Variants in SGCZ observed in about 807,000 individuals in gnomAD.
SGCZ encodes the protein zeta-sarcoglycan.
Under a neutral mutation model 41.3 loss-of-function variants are expected in SGCZ, and 40 were observed. That is an observed-to-expected ratio of 0.97 (90% CI 0.75 to 1.26). The LOEUF (loss-of-function observed/expected upper bound fraction) is 1.26, where lower values mean the gene tolerates loss of function less well. Ranked by LOEUF, SGCZ falls within the 50% of genes most tolerant of loss-of-function variation. The pLI is 0.00. For synonymous variants in SGCZ, 206 were observed against 137.5 expected (o/e 1.50, Z -3.49); for missense variants, 552 against 369.8 (o/e 1.49, Z -4.04).
intron 2 of SGCZ, among the ~76,000 whole-genome samples, chr8:14,378,007 T>C (rs958685713): frequency 6.0e-5 from 9 of 149,642 alleles, no homozygotes; most frequent in Non-Finnish European, 1.3e-4. Flanking sequence ...CATGTGTCTT[T>C]ATAGCAGCAT....
chr8:14,994,196 T>G (rs543594510), intron 1 of SGCZ, among the ~76,000 whole-genome samples: 1 of 152,224 alleles, frequency 6.6e-6, no homozygotes, highest in African/African-American at 2.4e-5. Flanking sequence ...TCCCCACATT[T>G]GGTCTCATCA....
chr8:14,304,395 A>C (rs1339835679), intron 3 of SGCZ, among the ~76,000 whole-genome samples: 2 of 152,088 alleles, frequency 1.3e-5, no homozygotes, highest in Non-Finnish European at 2.9e-5. Context: ...TGAGTTTGAG[A>C]CCAGCATGGG....
At chr8:14,756,321 G>A (rs564246658) in intron 1 of SGCZ, among the ~76,000 whole-genome samples, 78 of 152,084 alleles carry the variant, frequency 5.1e-4, no homozygotes, top group African/African-American at 1.6e-3. Flanking sequence ...GAGTAGCTGG[G>A]ATTATAGGCA....
chr8:14,963,521 T>G (rs572792969), intron 1 of SGCZ, among the ~76,000 whole-genome samples: 79 of 152,126 alleles, frequency 5.2e-4, no homozygotes, highest in African/African-American at 1.9e-3. Flanking sequence ...CTTTCTTTTG[T>G]ATTTTTAGTA....
chr8:14,964,776 C>G (rs1585418630), intron 1 of SGCZ, among the ~76,000 whole-genome samples: 2 of 152,142 alleles, frequency 1.3e-5, no homozygotes. Flanking sequence ...TAGGAGCTGT[C>G]AGTTTCCCAT....
intron 1 of SGCZ, among the ~76,000 whole-genome samples, chr8:15,077,110 A>C (rs1316265968): frequency 1.3e-5 from 2 of 152,212 alleles, no homozygotes; most frequent in African/African-American, 4.8e-5. Flanking sequence ...TGCTGTAATG[A>C]AGTGGATTCT....
intron 1 of SGCZ, among the ~76,000 whole-genome samples, chr8:14,702,788 G>C (rs548636118): frequency 3.3e-5 from 5 of 150,268 alleles, no homozygotes; most frequent in African/African-American, 1.2e-4. Flanking sequence ...TAGACAGACA[G>C]ACAGGCAGAC....
chr8:15,186,322 T>TAGTCCAA (rs1554473589), intron 1 of SGCZ, among the ~76,000 whole-genome samples: 7 of 141,530 alleles, frequency 4.9e-5, no homozygotes, highest in African/African-American at 1.9e-4. Context: ...TCGCATGTAG[T>TAGTCCAA]AGTCCAAAGA....
At chr8:14,455,457 C>CACACGCAT (rs1554520470) in intron 2 of SGCZ, among the ~76,000 whole-genome samples, 1 of 22,518 alleles carries the variant, frequency 4.4e-5, no homozygotes, top group Non-Finnish European at 8.3e-5. Context: ...TGCATGCATA[C>CACACGCAT]ACACACACAC....
intron 2 of SGCZ, among the ~76,000 whole-genome samples, chr8:14,389,727 A>G (rs959443894): frequency 6.6e-6 from 1 of 152,004 alleles, no homozygotes. Flanking sequence ...GAGAATGAAG[A>G]AACTCGCAAA....
chr8:14,173,634 G>A (rs1804456483), intron 4 of SGCZ, among the ~76,000 whole-genome samples: 1 of 152,022 alleles, frequency 6.6e-6, no homozygotes. Context: ...TGTGAAACAA[G>A]TAAAAGAGGC....
At chr8:14,315,666 C>G (rs945619594) in intron 3 of SGCZ, among the ~76,000 whole-genome samples, 8 of 151,910 alleles carry the variant, frequency 5.3e-5, no homozygotes, top group African/African-American at 1.9e-4. Flanking sequence ...ATAATAACTT[C>G]AAGGCCTAAG....
intron 5 of SGCZ, among the ~76,000 whole-genome samples, chr8:14,133,692 G>T (rs1039975805): frequency 6.6e-6 from 1 of 152,026 alleles, no homozygotes; most frequent in African/African-American, 2.4e-5. Flanking sequence ...TTACTTGGTT[G>T]CTGTAAACCT....
At chr8:14,628,606 G>C (rs1264643372) in intron 1 of SGCZ, among the ~76,000 whole-genome samples, 1 of 152,080 alleles carries the variant, frequency 6.6e-6, no homozygotes, top group Middle Eastern at 3.2e-3. Flanking sequence ...CAAGAGAGGA[G>C]CTCTTGTCAA....
chr8:15,069,954 A>G lies in SGCZ; in HGVS notation c.39+167631T>C, dbSNP rs537303025. On this transcript the variant is annotated intron_variant, in intron 1 of 7. Transcript: ENST00000382080. ...GACACACACACAAAGACACACACAC[A>G]CACACAAACCTGCAAGAAAAAAAGA... Among the ~76,000 whole-genome samples, 3 of 151,038 alleles carry G rather than the reference A, an allele frequency of 2.0e-5. No homozygotes were observed. In the South Asian group the frequency reaches 6.3e-4, roughly 32 times the overall value.
intron 3 of SGCZ, among the ~76,000 whole-genome samples, chr8:14,293,456 G>A (rs949543895): frequency 1.3e-5 from 2 of 151,928 alleles, no homozygotes; most frequent in Non-Finnish European, 2.9e-5. Flanking sequence ...CAGACACCCA[G>A]TGATTTCCCA....
chr8:14,168,886 T>C (rs946834805), intron 4 of SGCZ, among the ~76,000 whole-genome samples: 1 of 152,188 alleles, frequency 6.6e-6, no homozygotes, highest in Non-Finnish European at 1.5e-5. Flanking sequence ...ACTTACTATA[T>C]GCTAGGCAGC....
chr8:14,638,187 AT>A (rs199802811), intron 1 of SGCZ, among the ~76,000 whole-genome samples: 55 of 151,966 alleles, frequency 3.6e-4, no homozygotes, highest in African/African-American at 1.3e-3. Flanking sequence ...AGATTCTTAC[AT>A]TCTGTTCCCA....
intron 2 of SGCZ, among the ~76,000 whole-genome samples, chr8:14,534,045 A>C (rs899086449): frequency 6.6e-6 from 1 of 152,040 alleles, no homozygotes; most frequent in African/African-American, 2.4e-5. Context: ...CAGGAGCTGC[A>C]GCAATAGATT....
Sources: allele counts gnomAD v4.1 joint callset (sites outside exome capture counted in the v4.1 genomes callset), GRCh38; gene constraint gnomAD v4.1.1; transcripts MANE v1.5; gene names NCBI Gene and HGNC (gene_info 2026-07-23, HGNC 2026-07-21).